Variants in WDR70 observed in about 807,000 individuals in gnomAD.
WDR70 encodes WD repeat-containing protein 70.
Under a neutral mutation model 88.6 loss-of-function variants are expected in WDR70, and 53 were observed. The ratio of observed to expected loss-of-function variants is 0.60; its 90% CI spans 0.48 to 0.75. The LOEUF (loss-of-function observed/expected upper bound fraction) is 0.75. WDR70 is among the 30% of genes least tolerant of loss of function. WDR70 has a pLI of 0.00. For missense variants in WDR70, 610 were observed against 823.2 expected, an observed-to-expected ratio of 0.74 and a Z score of 3.17; for synonymous variants, 280 against 270.0, an observed-to-expected ratio of 1.04 and a Z score of -0.36.
At chr5:37,628,928 C>T (rs1321735332) in intron 10 of WDR70, among the ~76,000 whole-genome samples, 2 of 152,166 alleles carry the variant, frequency 1.3e-5, no homozygotes, top group Non-Finnish European at 2.9e-5. Flanking sequence ...AGATGTAAGA[C>T]TCCCTTGAGC....
intron 15 of WDR70, chr5:37,723,727 A>T (rs1011238271): frequency 6.6e-6 from 1 of 152,230 alleles, no homozygotes; most frequent in Non-Finnish European, 1.5e-5. Context: ...AAGAGATCCC[A>T]TGACACTTTT....
intron 5 of WDR70, among the ~76,000 whole-genome samples, chr5:37,415,921 G>C (rs1013613681): frequency 1.3e-5 from 2 of 151,800 alleles, no homozygotes; most frequent in Non-Finnish European, 2.9e-5. Context: ...TGGGCCGCCG[G>C]GCAGAGACGC....
At position 37,612,527 on chromosome 5, in the gene WDR70, G is replaced by A. The variant is rs540546969; in HGVS notation, c.1092+7289G>A. On this transcript the variant is annotated intron_variant, in intron 10 of 17. Coordinates refer to ENST00000265107, the MANE Select transcript of WDR70 (RefSeq NM_018034.4). ...TATATATAAAGCATTCAGATAGGAC[G>A]TGCACATAACAGGTTCTTAATAACT... 7.2e-5 allele frequency among the ~76,000 whole-genome samples: 11 copies of A among 152,254 alleles called. No individual in the cohort carries two copies. The South Asian group carries it at 2.1e-3, about 29-fold the overall frequency.
At chr5:37,486,469 G>C (rs1310272596) in intron 8 of WDR70, among the ~76,000 whole-genome samples, 1 of 148,114 alleles carries the variant, frequency 6.8e-6, no homozygotes, top group African/African-American at 2.5e-5. Context: ...TCAGCATCCT[G>C]AGTAGCCGGG....
intron 10 of WDR70, among the ~76,000 whole-genome samples, chr5:37,626,742 G>GAA (rs1491578751): frequency 1.3e-5 from 2 of 152,072 alleles, no homozygotes; most frequent in Non-Finnish European, 2.9e-5. Context: ...AAAGCCGTCT[G>GAA]GTTTTGGACT....
chr5:37,379,771 G>GAA (rs914866115), intron 2 of WDR70, among the ~76,000 whole-genome samples: 6 of 152,136 alleles, frequency 3.9e-5, no homozygotes, highest in African/African-American at 1.2e-4. Flanking sequence ...GAGAGGAAGA[G>GAA]AAAGGATTTT....
At chr5:37,526,341 A>G (rs1741271281) in intron 9 of WDR70, among the ~76,000 whole-genome samples, 1 of 152,216 alleles carries the variant, frequency 6.6e-6, no homozygotes, top group Non-Finnish European at 1.5e-5. Context: ...ACGCACATCA[A>G]TAAACGTAAT....
At chr5:37,702,868 ATATTT>A in intron 12 of WDR70, 76 bp from the exon 13 acceptor site, 15 of 1,425,446 alleles carry the variant, frequency 1.1e-5, no homozygotes, top group Non-Finnish European at 1.3e-5. Flanking sequence ...AGAGATGTTT[ATATTT>A]TATTTAATTC....
At chr5:37,491,763 A>C (rs1740073918) in intron 8 of WDR70, among the ~76,000 whole-genome samples, 1 of 152,182 alleles carries the variant, frequency 6.6e-6, no homozygotes, top group South Asian at 2.1e-4. Context: ...AATTTTTATT[A>C]AAATAACTGT....
intron 10 of WDR70, among the ~76,000 whole-genome samples, chr5:37,674,897 GT>G (rs1186354447): frequency 7.3e-5 from 11 of 151,628 alleles, no homozygotes; most frequent in South Asian, 6.3e-4. Context: ...AGCACCTGTT[GT>G]TTCCTGACTT....
At chr5:37,397,142 G>GCCCCCCCCACCC (rs1749041431) in intron 5 of WDR70, among the ~76,000 whole-genome samples, 2 of 120,486 alleles carry the variant, frequency 1.7e-5, no homozygotes, top group African/African-American at 3.1e-5. Context: ...GTCTCAAACC[G>GCCCCCCCCACCC]CCCCCCCCAA....
chr5:37,516,485 T>C, intron 8 of WDR70, 29 bp from the exon 9 acceptor site: 2 of 1,434,776 alleles, frequency 1.4e-6, no homozygotes, highest in South Asian at 1.3e-5. Flanking sequence ...TTAAAACATC[T>C]TTTTTTCCCC....
chr5:37,418,009 A>G (rs1300555553), intron 5 of WDR70, among the ~76,000 whole-genome samples: 1 of 152,242 alleles, frequency 6.6e-6, no homozygotes, highest in Non-Finnish European at 1.5e-5. Flanking sequence ...AAAGCATTGT[A>G]AAGTGAGGAA....
intron 7 of WDR70, among the ~76,000 whole-genome samples, chr5:37,444,168 A>C (rs1328187810): frequency 2.6e-5 from 4 of 151,976 alleles, no homozygotes; most frequent in Admixed American, 2.0e-4. Flanking sequence ...AAATTAAAAA[A>C]AAAACAAAAC....
chr5:37,485,521 T>C (rs1739834888), intron 8 of WDR70, among the ~76,000 whole-genome samples: 1 of 152,324 alleles, frequency 6.6e-6, no homozygotes, highest in Non-Finnish European at 1.5e-5. Flanking sequence ...AGCATAGTGC[T>C]GAAGTGCTGC....
intron 8 of WDR70, among the ~76,000 whole-genome samples, chr5:37,487,650 G>C (rs1477042602): frequency 1.5e-5 from 2 of 130,294 alleles, no homozygotes; most frequent in Admixed American, 8.2e-5. Context: ...TTTTTGAGAG[G>C]GTGTCTGGTT....
chr5:37,454,539 C>T (rs1391757147), intron 7 of WDR70, among the ~76,000 whole-genome samples: 2 of 152,060 alleles, frequency 1.3e-5, no homozygotes, highest in Non-Finnish European at 1.5e-5. Flanking sequence ...TACTGTTTTG[C>T]GTTTCTGAGT....
intron 9 of WDR70, among the ~76,000 whole-genome samples, chr5:37,587,422 C>T (rs757118726): frequency 4.6e-5 from 7 of 151,974 alleles, no homozygotes; most frequent in Non-Finnish European, 1.0e-4. Context: ...GATGCACTCC[C>T]CACCCCGACA....
At position 37,577,401 on chromosome 5, in the gene WDR70, G is replaced by A. The variant is rs140969143; in HGVS notation, c.918-27663G>A. ...AGAGGCTGAGGTGGGAGGATTGCTT[G>A]AGCCTAGGAGTTCGAGGTTGTAGTG... On this transcript the variant is annotated intron_variant, in intron 9 of 17. Transcript: ENST00000265107. Among the ~76,000 whole-genome samples the A allele has an allele frequency of 1.8e-3, 270 of 152,286 alleles. 1 individual carries two copies. Among genetic ancestry groups the A allele is most frequent in the African/African-American group, 6.2e-3 (257 of 41,546 alleles).
Sources: gnomAD v4.1 joint callset for allele counts (sites outside exome capture counted in the v4.1 genomes callset) on GRCh38, gnomAD v4.1.1 for gene constraint, MANE v1.5 for transcripts, NCBI Gene and HGNC (gene_info 2026-07-23, HGNC 2026-07-21) for gene names.